Variants in DCC observed in about 807,000 individuals in gnomAD.
The protein encoded by DCC is netrin receptor DCC.
DCC carries 58 observed loss-of-function variants against 172.5 expected under a neutral mutation model. That is an observed-to-expected ratio of 0.34 (90% CI 0.27 to 0.42). The LOEUF is 0.42. Among genes scored for constraint, DCC ranks in the 10% least tolerant of loss-of-function variants. The pLI is 1.00. For synonymous variants in DCC, 709 were observed against 644.5 expected (o/e 1.10, Z -1.52); for missense variants, 1,740 against 1,791.0 (o/e 0.97, Z 0.51).
intron 13 of DCC, among the ~76,000 whole-genome samples, chr18:53,321,642 A>G (rs576975188): frequency 6.6e-6 from 1 of 152,324 alleles, no homozygotes; most frequent in South Asian, 2.1e-4. Flanking sequence ...GGCCTAAAGA[A>G]AACATAATCA....
intron 1 of DCC, among the ~76,000 whole-genome samples, chr18:52,707,111 C>T (rs970286830): frequency 2.3e-4 from 35 of 152,122 alleles, no homozygotes; most frequent in Non-Finnish European, 3.1e-4. Context: ...ATTTATTTTA[C>T]TGTGATTCAG....
chr18:52,474,825 A>G (rs1169310724), intron 1 of DCC, among the ~76,000 whole-genome samples: 1 of 152,190 alleles, frequency 6.6e-6, no homozygotes, highest in Non-Finnish European at 1.5e-5. Flanking sequence ...CACGGGAAAG[A>G]CTTTCTCCTT....
rs117363931 is a variant in DCC, at chr18:52,814,090, C to A, written c.412+61716C>A. The stretch of plus-strand genomic sequence containing the variant: ...GATCTGTTTCTCTGGAGAACCCTGA[C>A]TAATACACATAGGTGTACCCTGTTC... On this transcript the variant is annotated intron_variant, in intron 2 of 28. Coordinates refer to ENST00000442544, the MANE Select transcript of DCC (RefSeq NM_005215.4). Among the ~76,000 whole-genome samples the A allele has an allele frequency of 1.5e-3, 228 of 152,308 alleles. 2 individuals carry two copies. In the East Asian group the frequency reaches 0.027, roughly 18 times the overall value.
intron 1 of DCC, among the ~76,000 whole-genome samples, chr18:52,439,028 T>G (rs62083542): frequency 0.18 from 26,934 of 152,140 alleles, 3,014 homozygotes; most frequent in Non-Finnish European, 0.25. Context: ...CTATACTTAC[T>G]GAGCTCCTGT....
At chr18:52,725,018 T>A (rs2036531238) in intron 1 of DCC, among the ~76,000 whole-genome samples, 1 of 152,202 alleles carries the variant, frequency 6.6e-6, no homozygotes, top group South Asian at 2.1e-4. Context: ...AGGGTTATTT[T>A]CTTCACCAGG....
intron 1 of DCC, among the ~76,000 whole-genome samples, chr18:52,527,867 G>T (rs905182988): frequency 6.6e-6 from 1 of 152,174 alleles, no homozygotes; most frequent in Non-Finnish European, 1.5e-5. Context: ...CAACTCTGGG[G>T]AGGGAGAGCA....
intron 1 of DCC, among the ~76,000 whole-genome samples, chr18:52,626,200 A>G (rs534768915): frequency 5.9e-5 from 9 of 152,330 alleles, no homozygotes; most frequent in Non-Finnish European, 8.8e-5. Context: ...AGCTCTATCC[A>G]GAGCACAATT....
intron 1 of DCC, among the ~76,000 whole-genome samples, chr18:52,618,580 C>T (rs534666461): frequency 1.3e-5 from 2 of 152,246 alleles, no homozygotes; most frequent in South Asian, 4.1e-4. Flanking sequence ...AACACCATTT[C>T]CTCCAACATT....
At chr18:52,694,162 G>A (rs1043383123) in intron 1 of DCC, among the ~76,000 whole-genome samples, 1 of 152,002 alleles carries the variant, frequency 6.6e-6, no homozygotes, top group African/African-American at 2.4e-5. Flanking sequence ...TCTCCTGCCT[G>A]ATATGAGAAA....
At chr18:53,160,083 C>G (rs1359896258) in intron 8 of DCC, among the ~76,000 whole-genome samples, 1 of 152,068 alleles carries the variant, frequency 6.6e-6, no homozygotes, top group Non-Finnish European at 1.5e-5. Flanking sequence ...TTGGGTGAAC[C>G]ATTTATTTTC....
intron 5 of DCC, among the ~76,000 whole-genome samples, chr18:53,025,739 G>A (rs2041946200): frequency 6.6e-6 from 1 of 150,934 alleles, no homozygotes; most frequent in Admixed American, 6.6e-5. Context: ...GTTTAGACTG[G>A]AGAATATAAG....
Position 52,360,158 on chromosome 18 carries a change from ATCT to A in DCC, c.91+19287_91+19289del, listed in dbSNP as rs202138001. Among the ~76,000 whole-genome samples, 37 of 152,170 alleles carry A rather than the reference ATCT, an allele frequency of 2.4e-4. No individual in the cohort carries two copies. In the East Asian group the frequency reaches 5.6e-3, roughly 23 times the overall value. On this transcript the variant is annotated intron_variant, in intron 1 of 28. Coordinates refer to ENST00000442544, the MANE Select transcript of DCC (RefSeq NM_005215.4). ...TGTTATTCTCCTCTCTAAAAGAGGG[ATCT>A]TCTTCTGTGAACCGTTTATTATTTA...
intron 8 of DCC, among the ~76,000 whole-genome samples, chr18:53,160,747 C>G (rs1183586371): frequency 1.3e-5 from 2 of 152,194 alleles, no homozygotes; most frequent in African/African-American, 4.8e-5. Context: ...TCTCAAATCT[C>G]CAACACCTTC....
chr18:52,798,511 G>A (rs1276590033), intron 2 of DCC, among the ~76,000 whole-genome samples: 1 of 151,468 alleles, frequency 6.6e-6, no homozygotes, highest in Non-Finnish European at 1.5e-5. Flanking sequence ...GCCCCCTGCA[G>A]AGGAACTTTC....
At chr18:52,687,525 T>G (rs1338742256) in intron 1 of DCC, among the ~76,000 whole-genome samples, 1 of 152,086 alleles carries the variant, frequency 6.6e-6, no homozygotes, top group Non-Finnish European at 1.5e-5. Flanking sequence ...CCTCAGGTGA[T>G]CCGCCCACCT....
At chr18:53,467,586 T>G (rs1210166334) in intron 24 of DCC, among the ~76,000 whole-genome samples, 2 of 152,226 alleles carry the variant, frequency 1.3e-5, no homozygotes, top group Non-Finnish European at 2.9e-5. Flanking sequence ...TTACAAAAAG[T>G]ATGCATGATA....
intron 2 of DCC, among the ~76,000 whole-genome samples, chr18:52,792,889 T>G (rs1027204685): frequency 4.1e-5 from 1 of 24,384 alleles, no homozygotes; most frequent in African/African-American, 2.2e-4. Flanking sequence ...AAAGGACAGA[T>G]TTTGAGGTTT....
chr18:52,528,664 G>A (rs779734504), intron 1 of DCC, among the ~76,000 whole-genome samples: 7 of 151,932 alleles, frequency 4.6e-5, no homozygotes, highest in Non-Finnish European at 1.0e-4. Context: ...TCATCAGGGA[G>A]ATAGCACAAC....
intron 23 of DCC, among the ~76,000 whole-genome samples, chr18:53,451,141 C>T (rs1399749865): frequency 6.6e-6 from 1 of 152,152 alleles, no homozygotes; most frequent in African/African-American, 2.4e-5. Flanking sequence ...AGTTACAATC[C>T]TGTTGGTGCT....
Sources: allele counts gnomAD v4.1 joint callset (sites outside exome capture counted in the v4.1 genomes callset), GRCh38; gene constraint gnomAD v4.1.1; transcripts MANE v1.5; gene names NCBI Gene and HGNC (gene_info 2026-07-23, HGNC 2026-07-21).